Variants in RBM11 observed in about 807,000 individuals in gnomAD.
RBM11 encodes the protein splicing regulator RBM11.
Under a neutral mutation model 21.4 loss-of-function variants are expected in RBM11, and 18 were observed. The ratio of observed to expected loss-of-function variants is 0.84; its 90% confidence interval spans 0.58 to 1.25. RBM11 has a LOEUF of 1.25. RBM11 is among the 50% of genes most tolerant of loss of function. RBM11 has a pLI of 0.00. For missense variants in RBM11, 294 were observed against 331.9 expected, an observed-to-expected ratio of 0.89 and a Z score of 0.89; for synonymous variants, 120 against 116.3, an observed-to-expected ratio of 1.03 and a Z score of -0.20.
intron 3 of RBM11, among the ~76,000 whole-genome samples, chr21:14,221,912 C>T (rs368941970): frequency 6.6e-6 from 1 of 152,176 alleles, no homozygotes; most frequent in East Asian, 1.9e-4. Flanking sequence ...CCCTGTTTCT[C>T]TCTGCTGTAT....
chr21:14,219,958 T>C (rs1388382971), intron 2 of RBM11, among the ~76,000 whole-genome samples: 1 of 152,172 alleles, frequency 6.6e-6, no homozygotes, highest in Non-Finnish European at 1.5e-5. Context: ...AAGATAATCG[T>C]TTTAGTATCA....
chr21:14,225,602 T>C (rs1008163728), intron 4 of RBM11, among the ~76,000 whole-genome samples: 4 of 152,182 alleles, frequency 2.6e-5, no homozygotes, highest in Non-Finnish European at 5.9e-5. Flanking sequence ...TTGTTAAATA[T>C]CCATTTTCAA....
chr21:14,218,356 T>C (rs1386434276), intron 1 of RBM11, among the ~76,000 whole-genome samples: 1 of 152,220 alleles, frequency 6.6e-6, no homozygotes, highest in African/African-American at 2.4e-5. Flanking sequence ...TTTCTGATTA[T>C]ACTTGGAAAT....
At chr21:14,224,237 C>T in intron 3 of RBM11, 1 of 707,146 alleles carries the variant, frequency 1.4e-6, no homozygotes, top group South Asian at 2.1e-5. Flanking sequence ...AGGTAACATT[C>T]TGAGATACTG....
intron 2 of RBM11, among the ~76,000 whole-genome samples, chr21:14,220,528 G>A (rs73347931): frequency 0.014 from 2,069 of 152,242 alleles, 44 homozygotes; most frequent in African/African-American, 0.047. Flanking sequence ...GCAAAAGTGC[G>A]TCTCTTTGCA....
At chr21:14,223,290 T>C (rs978435290) in intron 3 of RBM11, among the ~76,000 whole-genome samples, 7 of 152,262 alleles carry the variant, frequency 4.6e-5, no homozygotes, top group African/African-American at 1.7e-4. Flanking sequence ...AAAATGGTGC[T>C]TATTTAACAA....
At chr21:14,223,647 T>C (rs911644170) in intron 3 of RBM11, among the ~76,000 whole-genome samples, 1 of 152,300 alleles carries the variant, frequency 6.6e-6, no homozygotes, top group Admixed American at 6.5e-5. Context: ...GTAACCATAC[T>C]GTAGTTTGAA....
Position 14,228,105 on chromosome 21 carries a change from T to C in RBM11, c.*812T>C, listed in dbSNP as rs1979263892. 1 of 152,302 alleles carries C rather than the reference T, an allele frequency of 6.6e-6. No homozygotes were observed. The highest frequency in any genetic ancestry group is 2.1e-4 in the South Asian group (1 of 4,834). 9.4% of individuals were successfully genotyped at this position (152,302 alleles called of 1,614,324 possible). A position where few individuals can be genotyped will look rare whatever the true frequency, so the allele number is the denominator to read the frequency against. ...TTTATTAATGTATGATATGTAATAC[T>C]TATTGTCTAAATCAAGTTTCCTATT... is the stretch of plus-strand genomic sequence containing the variant. On this transcript the variant is annotated 3_prime_UTR_variant, in exon 5 of 5. Transcript: ENST00000400577.
chr21:14,218,820 T>A (rs917425321), intron 1 of RBM11, among the ~76,000 whole-genome samples: 3 of 152,198 alleles, frequency 2.0e-5, no homozygotes, highest in Admixed American at 2.0e-4. Context: ...TAATTAACAA[T>A]CTTCTATGAT....
intron 1 of RBM11, among the ~76,000 whole-genome samples, chr21:14,217,398 G>A (rs1350132101): frequency 6.6e-6 from 1 of 152,120 alleles, no homozygotes; most frequent in Non-Finnish European, 1.5e-5. Flanking sequence ...AAAGTTCCGA[G>A]GGAGGCAATT....
At chr21:14,218,744 T>C (rs1341842607) in intron 1 of RBM11, among the ~76,000 whole-genome samples, 2 of 152,162 alleles carry the variant, frequency 1.3e-5, no homozygotes, top group African/African-American at 4.8e-5. Context: ...ATTAAATCAG[T>C]TGTTTGTGTT....
At position 14,227,193 on chromosome 21, in the gene RBM11, G is replaced by A. The variant is rs1480654809; in HGVS notation, c.746G>A (p.Arg249Lys). ...SDLYQMNKRK[R>K]QKQTSDSDSS... ...CTTTATCAGATGAATAAACGAAAGA[G>A]ACAAAAGCAAACAAGTGATAGTGAT... The change falls in exon 5 of 5, where the codon AGA (arginine) becomes AAA (lysine). Residue 249 changes from arginine (R) to lysine (K), a missense_variant. Around this residue, in one of 2 missense-constraint regions of RBM11, gnomAD observed 113 missense variants for 167.3 expected, o/e 0.68. Transcript: ENST00000400577. The A allele has an allele frequency of 1.2e-6, 2 of 1,613,988 alleles. No individual in the cohort carries two copies. The highest frequency in any genetic ancestry group is 1.7e-5 in the Admixed American group (1 of 60,018).
chr21:14,221,676 A>G (rs1391535479), intron 3 of RBM11, among the ~76,000 whole-genome samples: 1 of 152,180 alleles, frequency 6.6e-6, no homozygotes, highest in Non-Finnish European at 1.5e-5. Flanking sequence ...TTATTGATGC[A>G]ATGGTAGCCT....
rs780147023 is a variant in RBM11, at chr21:14,224,565, A to T, written c.432+28A>T. The T allele has an allele frequency of 5.2e-6, 8 of 1,525,086 alleles. No homozygotes were observed. The South Asian group carries it at 1.0e-4, about 19-fold the overall frequency. The allele number at this position is 1,525,086 out of a possible 1,614,324, so 94.5% of individuals were successfully genotyped here. ...AAGTTTAATATGCATTTTATTTAGT[A>T]TATAATATGATACAAACTATGAAGA... On this transcript the variant is annotated intron_variant, in intron 4 of 4. Transcript: ENST00000400577.
intron 1 of RBM11, among the ~76,000 whole-genome samples, chr21:14,217,571 C>T (rs996613083): frequency 1.2e-4 from 18 of 152,052 alleles, no homozygotes; most frequent in African/African-American, 3.9e-4. Context: ...CTTTCCTGGA[C>T]GTAAAACTTT....
chr21:14,226,146 T>C (rs947564298), intron 4 of RBM11, among the ~76,000 whole-genome samples: 3 of 152,120 alleles, frequency 2.0e-5, no homozygotes, highest in African/African-American at 7.2e-5. Context: ...ATGCCATGAG[T>C]ATAAAATACA....
At position 14,226,729 on chromosome 21, in the gene RBM11, C is replaced by T. The variant is rs1043156043; in HGVS notation, c.433-151C>T. The T allele has an allele frequency of 3.5e-5, 36 of 1,035,780 alleles. No individual in the cohort carries two copies. The African/African-American group carries it at 4.4e-4, about 13-fold the overall frequency. The allele number at this position is 1,035,780 out of a possible 1,614,324, so 64.2% of individuals were successfully genotyped here. A position where few individuals can be genotyped will look rare whatever the true frequency, so the allele number is the denominator to read the frequency against. ...TTTATATTGACCCTTTAATGAAACA[C>T]CTACCTTTCTACTATGAGAGGTCAC... On this transcript the variant is annotated intron_variant, in intron 4 of 4. Coordinates refer to ENST00000400577, the MANE Select transcript of RBM11 (RefSeq NM_144770.5).
At chr21:14,226,658 G>A (rs867075561) in intron 4 of RBM11, among the ~76,000 whole-genome samples, 3 of 151,512 alleles carry the variant, frequency 2.0e-5, no homozygotes, top group East Asian at 3.9e-4. Context: ...ATTTCCATTG[G>A]ATAGCACTAA....
Position 14,227,252 on chromosome 21 carries a change from A to C in RBM11, c.805A>C (p.Ser269Arg). The change falls in exon 5 of 5, where the codon AGC (serine) becomes CGC (arginine). Residue 269 changes from serine (S) to arginine (R), a missense_variant. Coordinates refer to ENST00000400577, the MANE Select transcript of RBM11 (RefSeq NM_144770.5). Reference protein sequence around the residue: ...STDNNRGNECSQKFRKSKKKK... With the variant: ...STDNNRGNECRQKFRKSKKKK... ...AGACAACAACAGAGGCAACGAATGTAGCCAAAAGTTCCGAAAGTCTAAGAA... is the reference window on the plus strand; with the variant it reads ...AGACAACAACAGAGGCAACGAATGTCGCCAAAAGTTCCGAAAGTCTAAGAA... 6.2e-7 allele frequency: 1 copy of C among 1,613,350 alleles called. No homozygotes were observed. Among genetic ancestry groups the C allele is most frequent in the Non-Finnish European group, 8.5e-7 (1 of 1,179,712 alleles).
Sources: gnomAD v4.1 joint callset for allele counts (sites outside exome capture counted in the v4.1 genomes callset) on GRCh38, gnomAD v4.1.1 for gene constraint, gnomAD v4.1.1 regional missense constraint, MANE v1.5 for transcripts, NCBI Gene and HGNC (gene_info 2026-07-23, HGNC 2026-07-21) for gene names.